The following KHDRBS2 variants were observed in gnomAD, a reference collection of about 807,000 sequenced individuals.
KHDRBS2 encodes KH RNA binding domain containing, signal transduction associated 2, also known as KH domain-containing, RNA-binding, signal transduction-associated protein 2.
KHDRBS2 carries 26 observed loss-of-function variants against 44.3 expected under a neutral mutation model. The observed-to-expected ratio is 0.59, with a 90% CI of 0.43 to 0.81. The LOEUF is 0.81. Ranked by LOEUF, KHDRBS2 falls within the 40% of genes least tolerant of loss-of-function variation. KHDRBS2 has a pLI of 0.00. For missense variants in KHDRBS2, 476 were observed against 433.1 expected, an observed-to-expected ratio of 1.10 and a Z score of -0.88; for synonymous variants, 194 against 151.1, an observed-to-expected ratio of 1.28 and a Z score of -2.08.
chr6:62,240,676 A>ATG (rs1834494543), intron 1 of KHDRBS2, among the ~76,000 whole-genome samples: 1 of 55,248 alleles, frequency 1.8e-5, no homozygotes, highest in African/African-American at 8.2e-5. Context: ...GTGTGTGTAT[A>ATG]TATATATATA....
At chr6:61,579,915 G>A in the KHDRBS2 span, among the ~76,000 whole-genome samples, 91 of 149,730 alleles carry the variant, frequency 6.1e-4, 2 homozygotes, top group Non-Finnish European at 1.2e-3. Context: ...AAATTAGCCA[G>A]GTGTGGTGGC....
intron 2 of KHDRBS2, among the ~76,000 whole-genome samples, chr6:62,092,063 T>C (rs901166483): frequency 3.3e-5 from 5 of 152,168 alleles, no homozygotes; most frequent in Non-Finnish European, 5.9e-5. Context: ...CTCTTGTTAC[T>C]ATTCTCTATT....
chr6:61,670,761 T>G, the KHDRBS2 span, among the ~76,000 whole-genome samples: 1 of 150,798 alleles, frequency 6.6e-6, no homozygotes, highest in Admixed American at 6.7e-5. Flanking sequence ...AGATAAGAAA[T>G]CAAAATTTTA....
intron 6 of KHDRBS2, among the ~76,000 whole-genome samples, chr6:61,770,273 G>A (rs1043476615): frequency 7.2e-5 from 11 of 152,190 alleles, no homozygotes; most frequent in African/African-American, 2.7e-4. Context: ...CTAAAAATCA[G>A]AGTGCCTCTC....
At chr6:62,229,412 T>A (rs1832511194) in intron 1 of KHDRBS2, among the ~76,000 whole-genome samples, 1 of 152,102 alleles carries the variant, frequency 6.6e-6, no homozygotes, top group Non-Finnish European at 1.5e-5. Flanking sequence ...CTGCTGCCCT[T>A]CCCCCGCTCT....
chr6:62,056,305 A>G (rs986420921), intron 2 of KHDRBS2, among the ~76,000 whole-genome samples: 2 of 151,966 alleles, frequency 1.3e-5, no homozygotes, highest in African/African-American at 4.8e-5. Flanking sequence ...TTGAAAATTC[A>G]TCTACACATA....
intron 2 of KHDRBS2, among the ~76,000 whole-genome samples, chr6:62,133,866 G>A (rs1202502413): frequency 6.6e-6 from 1 of 152,104 alleles, no homozygotes; most frequent in African/African-American, 2.4e-5. Context: ...TGAACTTGAG[G>A]GAGATGATTT....
intron 3 of KHDRBS2, among the ~76,000 whole-genome samples, chr6:62,003,687 C>T (rs573841792): frequency 3.3e-5 from 5 of 152,270 alleles, no homozygotes; most frequent in Admixed American, 1.3e-4. Flanking sequence ...CTACAGAACT[C>T]TCTACCCAAA....
chr6:62,214,293 A>C (rs1297037788), intron 1 of KHDRBS2, among the ~76,000 whole-genome samples: 1 of 152,170 alleles, frequency 6.6e-6, no homozygotes, highest in Non-Finnish European at 1.5e-5. Context: ...TTATATATCA[A>C]ATTAGAACAG....
At chr6:62,091,791 C>G (rs1242096098) in intron 2 of KHDRBS2, among the ~76,000 whole-genome samples, 1 of 152,140 alleles carries the variant, frequency 6.6e-6, no homozygotes, top group Admixed American at 6.6e-5. Context: ...GGACAAATTA[C>G]TTAATGGAAT....
At chr6:61,772,249 A>T (rs1781051692) in intron 6 of KHDRBS2, among the ~76,000 whole-genome samples, 1 of 152,192 alleles carries the variant, frequency 6.6e-6, no homozygotes, top group Admixed American at 6.5e-5. Context: ...CTAACATCAC[A>T]ATTAAAGGAA....
intron 4 of KHDRBS2, among the ~76,000 whole-genome samples, chr6:61,943,575 T>C (rs1812583097): frequency 6.6e-6 from 1 of 152,066 alleles, no homozygotes; most frequent in African/African-American, 2.4e-5. Context: ...GGAAAGCACC[T>C]CACAACATTG....
intron 2 of KHDRBS2, among the ~76,000 whole-genome samples, chr6:62,085,764 G>A (rs991994459): frequency 1.3e-5 from 2 of 152,064 alleles, no homozygotes; most frequent in South Asian, 2.1e-4. Flanking sequence ...TAGGGTTAGG[G>A]TTAATTAGAA....
At chr6:61,798,495 T>C (rs1385611974) in intron 6 of KHDRBS2, among the ~76,000 whole-genome samples, 1 of 152,154 alleles carries the variant, frequency 6.6e-6, no homozygotes, top group African/African-American at 2.4e-5. Context: ...CTATGGTTAG[T>C]TGATAAGTAT....
At chr6:62,206,046 G>A (rs73485086) in intron 1 of KHDRBS2, among the ~76,000 whole-genome samples, 1,613 of 152,260 alleles carry the variant, frequency 0.011, 31 homozygotes, top group African/African-American at 0.037. Context: ...ATGCTTAACA[G>A]TGAATAATAA....
the KHDRBS2 span, among the ~76,000 whole-genome samples, chr6:61,595,321 G>A: frequency 6.6e-6 from 1 of 152,008 alleles, no homozygotes; most frequent in Admixed American, 6.6e-5. Context: ...AACAACCTAA[G>A]TGTCCATTAA....
intron 5 of KHDRBS2, among the ~76,000 whole-genome samples, chr6:61,897,705 G>GTC (rs1435981354): frequency 3.6e-5 from 5 of 140,398 alleles, no homozygotes; most frequent in Non-Finnish European, 6.1e-5. Context: ...CGGTTTCTCT[G>GTC]TCTCTGTCTC....
intron 4 of KHDRBS2, among the ~76,000 whole-genome samples, chr6:61,923,546 A>G: frequency 6.6e-6 from 1 of 151,974 alleles, no homozygotes. Flanking sequence ...AGTGTAATTT[A>G]TCATAATGAC....
chr6:61,588,747 G>A, the KHDRBS2 span, among the ~76,000 whole-genome samples: 1 of 152,040 alleles, frequency 6.6e-6, no homozygotes, highest in Non-Finnish European at 1.5e-5. Context: ...AGCCATGACT[G>A]TGCCACTGTA....
Sources: gnomAD v4.1 joint callset for allele counts (sites outside exome capture counted in the v4.1 genomes callset) on GRCh38, gnomAD v4.1.1 for gene constraint, MANE v1.5 for transcripts, NCBI Gene and HGNC (gene_info 2026-07-23, HGNC 2026-07-21) for gene names.